The following ANGPT2 variants were observed in gnomAD, a reference collection of about 807,000 sequenced individuals.
The protein encoded by ANGPT2 is angiopoietin-2.
ANGPT2 carries 28 observed loss-of-function variants against 62.9 expected under a neutral mutation model. That is an observed-to-expected ratio of 0.44 (90% CI 0.33 to 0.61). The LOEUF (loss-of-function observed/expected upper bound fraction) is 0.61. ANGPT2 is among the 20% of genes least tolerant of loss of function. ANGPT2 has a pLI of 0.03. For synonymous variants in ANGPT2, 284 were observed against 207.8 expected (o/e 1.37, Z -3.15); for missense variants, 727 against 594.9 (o/e 1.22, Z -2.31).
intron 3 of ANGPT2, among the ~76,000 whole-genome samples, chr8:6,523,362 T>C (rs1005911164): frequency 6.6e-6 from 1 of 152,200 alleles, no homozygotes; most frequent in African/African-American, 2.4e-5. Flanking sequence ...TAAGATACTT[T>C]ATTAATGGTT....
At chr8:6,504,362 G>A (rs1293481609) in intron 8 of ANGPT2, among the ~76,000 whole-genome samples, 3 of 149,340 alleles carry the variant, frequency 2.0e-5, no homozygotes, top group Non-Finnish European at 4.4e-5. Flanking sequence ...TAAATTGCAT[G>A]CCGTTCTGAG....
At chr8:6,542,421 C>G (rs1476232358) in intron 1 of ANGPT2, among the ~76,000 whole-genome samples, 1 of 151,878 alleles carries the variant, frequency 6.6e-6, no homozygotes, top group Non-Finnish European at 1.5e-5. Context: ...CATTCCAAAG[C>G]TTGGTGGGCA....
intron 1 of ANGPT2, among the ~76,000 whole-genome samples, chr8:6,545,832 T>C (rs1056535834): frequency 6.6e-6 from 1 of 152,272 alleles, no homozygotes; most frequent in Non-Finnish European, 1.5e-5. Context: ...ACAAGATTAC[T>C]CTGAGAAAAG....
chr8:6,503,130 T>C lies in ANGPT2; in HGVS notation c.1459A>G (p.Thr487Ala), dbSNP rs758708750. The C allele has an allele frequency of 1.9e-6, 3 of 1,614,216 alleles. No homozygotes were observed. The Admixed American group carries it at 5.0e-5, about 27-fold the overall frequency. ...AAATCTGCTGGTCGGATCATCATGG[T>C]TGTGGCCTTGAGCGAATAGCCTGAG... Reference protein sequence around the residue: ...KGSGYSLKATTMMIRPADF With the variant: ...KGSGYSLKATAMMIRPADF The change falls in exon 9 of 9, where the codon ACC (threonine) becomes GCC (alanine). Residue 487 changes from threonine to alanine, a missense_variant. Thr to Ala is a moderately conservative substitution (Grantham distance 58). Transcript: ENST00000629816.
intron 2 of ANGPT2, among the ~76,000 whole-genome samples, chr8:6,530,966 T>C (rs1201751370): frequency 6.6e-6 from 1 of 152,028 alleles, no homozygotes; most frequent in Non-Finnish European, 1.5e-5. Context: ...TTAGGAATAA[T>C]ATGGAGTGGG....
At chr8:6,533,528 T>G (rs535648193) in intron 1 of ANGPT2, among the ~76,000 whole-genome samples, 44 of 151,558 alleles carry the variant, frequency 2.9e-4, no homozygotes, top group Non-Finnish European at 5.6e-4. Context: ...GCTTTTAAAG[T>G]CATTGTGTAT....
intron 1 of ANGPT2, among the ~76,000 whole-genome samples, chr8:6,546,958 G>C (rs1391141428): frequency 6.6e-6 from 1 of 152,190 alleles, no homozygotes; most frequent in African/African-American, 2.4e-5. Flanking sequence ...TTGCAAGCTG[G>C]CTGGTTAGTC....
At chr8:6,545,724 A>T (rs779907391) in intron 1 of ANGPT2, among the ~76,000 whole-genome samples, 8 of 152,238 alleles carry the variant, frequency 5.3e-5, no homozygotes, top group Non-Finnish European at 1.0e-4. Flanking sequence ...TGTCTGAGTC[A>T]TGTATTGGAT....
intron 1 of ANGPT2, among the ~76,000 whole-genome samples, chr8:6,543,435 C>T (rs767036602): frequency 1.6e-4 from 24 of 152,164 alleles, no homozygotes; most frequent in Admixed American, 5.2e-4. Context: ...CACACATTTC[C>T]GTGCTCTGCA....
intron 8 of ANGPT2, chr8:6,508,186 A>T (rs1164039708): frequency 6.6e-6 from 1 of 152,238 alleles, no homozygotes; most frequent in East Asian, 1.9e-4. Context: ...GTGGTGGCTC[A>T]CACCTGTAAT....
At chr8:6,546,980 C>T (rs1822704488) in intron 1 of ANGPT2, among the ~76,000 whole-genome samples, 1 of 152,186 alleles carries the variant, frequency 6.6e-6, no homozygotes, top group Non-Finnish European at 1.5e-5. Flanking sequence ...TGTCTTCTTT[C>T]AGGTGAACAG....
At chr8:6,527,823 C>A in intron 2 of ANGPT2, 147 bp from the exon 3 acceptor site, 17 of 775,150 alleles carry the variant, frequency 2.2e-5, no homozygotes, top group Non-Finnish European at 2.9e-5. Context: ...GCATATTTTT[C>A]ATTTTCAGAA....
intron 4 of ANGPT2, among the ~76,000 whole-genome samples, chr8:6,520,773 G>C (rs1817175307): frequency 6.6e-6 from 1 of 152,182 alleles, no homozygotes; most frequent in African/African-American, 2.4e-5. Context: ...AACCTGGCAA[G>C]ATAAGGGAAC....
chr8:6,513,991 G>A (rs1815720942), intron 6 of ANGPT2, 147 bp from the exon 7 acceptor site: 2 of 760,580 alleles, frequency 2.6e-6, no homozygotes, highest in Non-Finnish European at 4.1e-6. Flanking sequence ...CCTTCCCAAA[G>A]GAAAATGGAT....
chr8:6,549,513 C>G (rs756558715), intron 1 of ANGPT2, among the ~76,000 whole-genome samples: 3 of 152,130 alleles, frequency 2.0e-5, no homozygotes, highest in Non-Finnish European at 4.4e-5. Flanking sequence ...GTATCTTGAG[C>G]TGGGCAGTCA....
At chr8:6,530,000 A>G (rs1160109494) in intron 2 of ANGPT2, among the ~76,000 whole-genome samples, 2 of 151,784 alleles carry the variant, frequency 1.3e-5, no homozygotes, top group Non-Finnish European at 2.9e-5. Context: ...TTTCATTACT[A>G]TTATTATTTT....
chr8:6,549,981 T>G (rs1823328206), intron 1 of ANGPT2, among the ~76,000 whole-genome samples: 1 of 152,058 alleles, frequency 6.6e-6, no homozygotes, highest in African/African-American at 2.4e-5. Context: ...CATGAAAAGG[T>G]TGGGGTTGGC....
At chr8:6,513,656 C>T (rs1236495931) in intron 7 of ANGPT2, 22 bp downstream of exon 7, 1 of 1,586,864 alleles carries the variant, frequency 6.3e-7, no homozygotes, top group African/African-American at 1.4e-5. Flanking sequence ...TTTTTTCTTT[C>T]AATTACCATG....
chr8:6,508,981 A>C lies in ANGPT2; in HGVS notation c.1278T>G (p.Asp426Glu). The C allele has an allele frequency of 6.2e-7, 1 of 1,614,118 alleles. No individual in the cohort carries two copies. The highest frequency in any genetic ancestry group is 1.1e-5 in the South Asian group (1 of 91,080). Residue 426 changes from aspartate to glutamate, a missense_variant, in exon 8 of 9, where the codon GAT (aspartate) becomes GAG (glutamate). Physicochemically the swap from Asp to Glu is conservative, Grantham distance 45. Coordinates refer to ENST00000629816, the MANE Select transcript of ANGPT2 (RefSeq NM_001118887.2). ...TGCAAATACATTTGTCGTTGTCTCC[A>C]TCCTTTGTGCTAAAATCATTTCCTG... ...SQPGNDFSTK[D>E]GDNDKCICKC...
Sources: gnomAD v4.1 joint callset for allele counts (sites outside exome capture counted in the v4.1 genomes callset) on GRCh38, gnomAD v4.1.1 for gene constraint, MANE v1.5 for transcripts, NCBI Gene and HGNC (gene_info 2026-07-23, HGNC 2026-07-21) for gene names.